EXOC4: variants seen among roughly 807,000 people sequenced by gnomAD.
EXOC4 encodes SEC8-like 1.
EXOC4 carries 71 observed loss-of-function variants against 107.2 expected under a neutral mutation model. The observed-to-expected ratio is 0.66, with a 90% confidence interval of 0.55 to 0.81. EXOC4 has a LOEUF of 0.81. Ranked by LOEUF, EXOC4 falls within the 30% of genes least tolerant of loss-of-function variation. The probability of loss-of-function intolerance (pLI) is 0.00; values close to 1 mark genes in which losing one functional copy is unlikely to be tolerated. For missense variants in EXOC4, 1,108 were observed against 1,189.6 expected (o/e 0.93, Z 1.01); for synonymous variants, 456 against 441.2 (o/e 1.03, Z -0.42).
chr7:133,975,651 A>G (rs763379105), intron 14 of EXOC4, among the ~76,000 whole-genome samples: 1 of 152,176 alleles, frequency 6.6e-6, no homozygotes, highest in Non-Finnish European at 1.5e-5. Flanking sequence ...GTGGGAGATT[A>G]TACAATATAA....
At chr7:134,045,085 T>C (rs1490885413) in intron 17 of EXOC4, among the ~76,000 whole-genome samples, 1 of 152,216 alleles carries the variant, frequency 6.6e-6, no homozygotes, top group Admixed American at 6.5e-5. Flanking sequence ...ATCAGGTGTA[T>C]GTGAAAGGAC....
intron 13 of EXOC4, among the ~76,000 whole-genome samples, chr7:133,926,421 A>G (rs2116677573): frequency 6.6e-6 from 1 of 152,354 alleles, no homozygotes; most frequent in East Asian, 1.9e-4. Context: ...AATGTCACAG[A>G]CATTTATCAT....
At chr7:133,774,215 G>C (rs1018514042) in intron 10 of EXOC4, among the ~76,000 whole-genome samples, 3 of 152,052 alleles carry the variant, frequency 2.0e-5, no homozygotes, top group African/African-American at 7.2e-5. Flanking sequence ...CTGATCTCTT[G>C]TATTATTCTC....
intron 9 of EXOC4, among the ~76,000 whole-genome samples, chr7:133,570,718 T>A (rs1801005681): frequency 6.6e-6 from 1 of 151,154 alleles, no homozygotes; most frequent in Non-Finnish European, 1.5e-5. Context: ...CTCCTCAATA[T>A]TTTTTTTTGA....
At chr7:133,473,044 G>A (rs1205328376) in intron 7 of EXOC4, among the ~76,000 whole-genome samples, 1 of 152,138 alleles carries the variant, frequency 6.6e-6, no homozygotes, top group Non-Finnish European at 1.5e-5. Context: ...TTAACCATCT[G>A]AAATATGAGT....
intron 13 of EXOC4, 141 bp from the exon 14 acceptor site, chr7:133,937,750 C>A: frequency 1.3e-6 from 1 of 753,956 alleles, no homozygotes; most frequent in Non-Finnish European, 2.2e-6. Flanking sequence ...AGTTGTCTCA[C>A]AAAGTTAAAC....
At chr7:133,328,285 AT>A (rs1273275099) in intron 5 of EXOC4, among the ~76,000 whole-genome samples, 1 of 152,002 alleles carries the variant, frequency 6.6e-6, no homozygotes, top group Admixed American at 6.5e-5. Flanking sequence ...TGCTTGGTAA[AT>A]ATTCCTGCAT....
chr7:133,657,141 C>T (rs754651760), intron 10 of EXOC4, among the ~76,000 whole-genome samples: 5 of 152,050 alleles, frequency 3.3e-5, no homozygotes, highest in Non-Finnish European at 5.9e-5. Flanking sequence ...CTGGTCCCTT[C>T]GGGTTTCATA....
chr7:134,083,156 G>A, the EXOC4 span, among the ~76,000 whole-genome samples: 1 of 152,162 alleles, frequency 6.6e-6, no homozygotes, highest in Non-Finnish European at 1.5e-5. Context: ...CACAAGATTT[G>A]CTATTCACCA....
At chr7:133,567,141 C>T (rs185938343) in intron 9 of EXOC4, among the ~76,000 whole-genome samples, 3 of 152,218 alleles carry the variant, frequency 2.0e-5, no homozygotes, top group Non-Finnish European at 4.4e-5. Context: ...ACATGTTAAA[C>T]ATCTCCTTAA....
At chr7:133,269,329 A>T (rs563804840) in intron 1 of EXOC4, among the ~76,000 whole-genome samples, 10 of 152,302 alleles carry the variant, frequency 6.6e-5, no homozygotes, top group Admixed American at 2.6e-4. Flanking sequence ...TGGATTTTGG[A>T]GTCAAATATA....
intron 14 of EXOC4, among the ~76,000 whole-genome samples, chr7:133,977,364 A>G (rs554274900): frequency 3.2e-4 from 48 of 152,362 alleles, no homozygotes; most frequent in Admixed American, 1.2e-3. Context: ...AGCAATTCAT[A>G]ATGTGTTCAG....
chr7:133,445,812 G>T (rs113786846), intron 7 of EXOC4, among the ~76,000 whole-genome samples: 10,212 of 151,926 alleles, frequency 0.067, 401 homozygotes, highest in Middle Eastern at 0.11. Context: ...AGGAGTTTAA[G>T]AACAGCCTGG....
intron 9 of EXOC4, among the ~76,000 whole-genome samples, chr7:133,540,402 A>G (rs1028957241): frequency 3.9e-5 from 6 of 152,236 alleles, no homozygotes; most frequent in African/African-American, 1.4e-4. Context: ...AAAAGAAAAT[A>G]TATTAAAAAC....
intron 10 of EXOC4, among the ~76,000 whole-genome samples, chr7:133,738,134 A>G (rs1402053518): frequency 6.6e-6 from 1 of 150,914 alleles, no homozygotes; most frequent in Non-Finnish European, 1.5e-5. Context: ...CTGGTCTCGG[A>G]CCCCTGACCT....
chr7:133,716,391 G>T (rs1794999127), intron 10 of EXOC4, among the ~76,000 whole-genome samples: 1 of 152,198 alleles, frequency 6.6e-6, no homozygotes, highest in Admixed American at 6.5e-5. Flanking sequence ...TATGTATACA[G>T]ATAAGGATTT....
intron 9 of EXOC4, among the ~76,000 whole-genome samples, chr7:133,506,021 C>G (rs989302009): frequency 1.3e-5 from 2 of 152,020 alleles, no homozygotes; most frequent in African/African-American, 4.8e-5. Context: ...TTTCAAATGG[C>G]CTTCTTCAAC....
At chr7:133,417,398 C>G (rs1797503321) in intron 7 of EXOC4, among the ~76,000 whole-genome samples, 1 of 152,152 alleles carries the variant, frequency 6.6e-6, no homozygotes, top group Admixed American at 6.5e-5. Flanking sequence ...GAAGGTCTGA[C>G]TGCGTGTCAA....
chr7:133,606,119 G>C (rs899787838), intron 9 of EXOC4, among the ~76,000 whole-genome samples: 2 of 152,144 alleles, frequency 1.3e-5, no homozygotes, highest in African/African-American at 4.8e-5. Context: ...TTCCACACTA[G>C]CATTGGCAAG....
Sources: allele counts gnomAD v4.1 joint callset (sites outside exome capture counted in the v4.1 genomes callset), GRCh38; gene constraint gnomAD v4.1.1; transcripts MANE v1.5; gene names NCBI Gene and HGNC (gene_info 2026-07-23, HGNC 2026-07-21).